Variants in ATP13A5 observed in about 807,000 individuals in gnomAD.
The protein encoded by ATP13A5 is probable cation-transporting ATPase 13A5.
ATP13A5 carries 149 observed loss-of-function variants against 150.2 expected under a neutral mutation model. That is an observed-to-expected ratio of 0.99 (90% CI 0.87 to 1.14). The LOEUF (loss-of-function observed/expected upper bound fraction) is 1.14. Among genes scored for constraint, ATP13A5 ranks in the 50% most tolerant of loss-of-function variants. The probability of loss-of-function intolerance (pLI) is 0.00; values close to 1 mark genes in which losing one functional copy is unlikely to be tolerated. For synonymous variants in ATP13A5, 497 were observed against 522.2 expected (o/e 0.95, Z 0.66); for missense variants, 1,383 against 1,449.3 (o/e 0.95, Z 0.74).
At chr3:193,374,640 GAC>G (rs113705500) in intron 1 of ATP13A5, among the ~76,000 whole-genome samples, 29,439 of 92,538 alleles carry the variant, frequency 0.32, 3,336 homozygotes, top group East Asian at 0.59. Flanking sequence ...GTAAGACCAT[GAC>G]ACACACACAC....
At chr3:193,305,689 C>G (rs921439349) in intron 22 of ATP13A5, 21 bp from the exon 23 acceptor site, 3 of 1,607,714 alleles carry the variant, frequency 1.9e-6, no homozygotes, top group Non-Finnish European at 2.6e-6. Context: ...AAGCCCATGT[C>G]TCACCCATGA....
At chr3:193,346,321 G>C (rs1712334463) in intron 7 of ATP13A5, among the ~76,000 whole-genome samples, 2 of 152,138 alleles carry the variant, frequency 1.3e-5, no homozygotes, top group African/African-American at 2.4e-5. Flanking sequence ...GAAAAGTGGA[G>C]AAAATGGAAG....
intron 23 of ATP13A5, among the ~76,000 whole-genome samples, chr3:193,303,759 G>A (rs541188493): frequency 6.6e-6 from 1 of 151,538 alleles, no homozygotes; most frequent in South Asian, 2.1e-4. Flanking sequence ...CACATGGGAA[G>A]TGACCCACAT....
chr3:193,303,902 C>T (rs1364010096), intron 23 of ATP13A5, among the ~76,000 whole-genome samples: 1 of 145,820 alleles, frequency 6.9e-6, no homozygotes, highest in East Asian at 2.0e-4. Flanking sequence ...CATACACATA[C>T]ACACACACAC....
At chr3:193,368,229 A>G (rs906457798) in intron 1 of ATP13A5, among the ~76,000 whole-genome samples, 4 of 152,238 alleles carry the variant, frequency 2.6e-5, no homozygotes, top group Non-Finnish European at 4.4e-5. Context: ...ACCTTCAAAG[A>G]AAGAAATTGA....
intron 23 of ATP13A5, among the ~76,000 whole-genome samples, chr3:193,304,963 T>C (rs1461061676): frequency 6.6e-6 from 1 of 152,080 alleles, no homozygotes; most frequent in Non-Finnish European, 1.5e-5. Context: ...TCACATCTCA[T>C]GAGAACTCCC....
At chr3:193,355,365 A>C (rs1325488214) in intron 5 of ATP13A5, among the ~76,000 whole-genome samples, 1 of 152,172 alleles carries the variant, frequency 6.6e-6, no homozygotes, top group Non-Finnish European at 1.5e-5. Context: ...ATAGAAACTC[A>C]AGCTCCGATA....
At position 193,305,619 on chromosome 3, in the gene ATP13A5, G is replaced by A; in HGVS notation, c.2618C>T (p.Ser873Phe). 1.2e-6 allele frequency: 2 copies of A among 1,613,980 alleles called. No homozygotes were observed. The highest frequency in any genetic ancestry group is 1.7e-6 in the Non-Finnish European group (2 of 1,179,904). ...TTTAGAGGTAAAAGGGGATGCCACA[G>A]ATGCTTCCTGCTCTGATAATGAAAT... Reference protein sequence around the residue: ...AGISLSEQEASVASPFTSKTT... With the variant: ...AGISLSEQEAFVASPFTSKTT... Residue 873 changes from serine (S) to phenylalanine (F), a missense_variant, in exon 23 of 30, where the codon TCT becomes TTT. Ser to Phe is a radical substitution (Grantham distance 155). Transcript: ENST00000342358.
chr3:193,276,419 T>C (rs1233474757), intron 29 of ATP13A5, among the ~76,000 whole-genome samples: 1 of 152,214 alleles, frequency 6.6e-6, no homozygotes, highest in Non-Finnish European at 1.5e-5. Context: ...CTTTGGGTTT[T>C]AGGGTTGGAA....
chr3:193,342,286 T>C (rs981030290), intron 9 of ATP13A5, among the ~76,000 whole-genome samples: 1 of 152,198 alleles, frequency 6.6e-6, no homozygotes, highest in Non-Finnish European at 1.5e-5. Context: ...TGTGGACAAA[T>C]TCCCTAGGAA....
At position 193,321,750 on chromosome 3, in the gene ATP13A5, C is replaced by A; in HGVS notation, c.1846G>T (p.Glu616Ter). ...RMSVIAQLAG[E>*]NHFHVYMKGA... ...TTCATGTAGACATGGAAATGATTCT[C>A]CCCAGCTAGCTGAGCGATCACGGAC... The change falls in exon 16 of 30, where the codon GAG (glutamate) becomes TAG (stop). Residue 616 changes from glutamate to a stop codon, truncating the protein, a stop_gained. Transcript: ENST00000342358. LOFTEE classifies it high-confidence loss of function. 6.2e-7 allele frequency: 1 copy of A among 1,614,192 alleles called. No individual in the cohort carries two copies. The highest frequency in any genetic ancestry group is 1.1e-5 in the South Asian group (1 of 91,084).
chr3:193,362,920 G>C (rs76310720), intron 3 of ATP13A5, among the ~76,000 whole-genome samples: 1,546 of 152,044 alleles, frequency 0.01, 23 homozygotes, highest in African/African-American at 0.036. Flanking sequence ...TCAACCTCCT[G>C]AGTAGCTGGG....
chr3:193,274,811 T>G lies in ATP13A5; in HGVS notation c.*231A>C. The G allele has an allele frequency of 1.7e-6, 1 of 588,656 alleles. No individual in the cohort carries two copies. Among genetic ancestry groups the G allele is most frequent in the Non-Finnish European group, 2.9e-6 (1 of 339,700 alleles). 36.5% of individuals were successfully genotyped at this position (588,656 alleles called of 1,614,324 possible). On this transcript the variant is annotated 3_prime_UTR_variant, in exon 30 of 30. Coordinates refer to ENST00000342358, the MANE Select transcript of ATP13A5 (RefSeq NM_198505.4). ...TAATGCTATGCAAAATGAATACAGT[T>G]TATTGAAAAGGATGATACAGGAAAT...
chr3:193,332,208 C>G (rs543316949), intron 11 of ATP13A5, among the ~76,000 whole-genome samples: 1 of 152,244 alleles, frequency 6.6e-6, no homozygotes, highest in South Asian at 2.1e-4. Context: ...TGGGATTTCC[C>G]CTGCACAAAC....
intron 16 of ATP13A5, 86 bp downstream of exon 16, chr3:193,321,595 C>T: frequency 6.9e-7 from 1 of 1,457,246 alleles, no homozygotes; most frequent in Non-Finnish European, 9.4e-7. Context: ...CGTGCCACTG[C>T]ACTCCAGCCT....
chr3:193,319,025 T>A lies in ATP13A5; in HGVS notation c.1999A>T (p.Met667Leu). 2 of 1,613,836 alleles carry A rather than the reference T, an allele frequency of 1.2e-6. No individual in the cohort carries two copies. The highest frequency in any genetic ancestry group is 1.7e-6 in the Non-Finnish European group (2 of 1,179,804). The stretch of plus-strand genomic sequence containing the variant: ...TGCTCGACTTCTGAAAGATTCCCCA[T>A]CTTTAAGGTTTTGTGGGCAAGAGCA... ...VIALAHKTLK[M>L]GNLSEVEHLA... The change falls in exon 17 of 30, where the codon ATG (methionine) becomes TTG (leucine). Residue 667 changes from methionine (M) to leucine (L), a missense_variant. Around this residue, in one of 3 missense-constraint regions of ATP13A5, gnomAD observed 28 missense variants for 55.9 expected, o/e 0.50. Coordinates refer to ENST00000342358, the MANE Select transcript of ATP13A5 (RefSeq NM_198505.4).
intron 23 of ATP13A5, among the ~76,000 whole-genome samples, chr3:193,303,316 C>G (rs1258210303): frequency 6.6e-6 from 1 of 152,182 alleles, no homozygotes; most frequent in Non-Finnish European, 1.5e-5. Flanking sequence ...AACTCCCCTA[C>G]TGAAAGCTTC....
chr3:193,317,539 G>A (rs933697720), intron 17 of ATP13A5, among the ~76,000 whole-genome samples: 3 of 151,998 alleles, frequency 2.0e-5, no homozygotes, highest in African/African-American at 4.8e-5. Context: ...TTTAGTTTGG[G>A]GTGACTTTTT....
chr3:193,313,922 T>C (rs1005513879), intron 19 of ATP13A5, 111 bp downstream of exon 19: 6 of 1,234,330 alleles, frequency 4.9e-6, no homozygotes, highest in Non-Finnish European at 6.8e-6. Context: ...TCTGGACAGA[T>C]GTGAGGGATT....
Sources: gnomAD v4.1 joint callset for allele counts (sites outside exome capture counted in the v4.1 genomes callset) on GRCh38, gnomAD v4.1.1 for gene constraint, gnomAD v4.1.1 regional missense constraint, MANE v1.5 for transcripts, NCBI Gene and HGNC (gene_info 2026-07-23, HGNC 2026-07-21) for gene names.